Variants in RNF144A observed in about 807,000 individuals in gnomAD.
RNF144A encodes the protein ring finger protein 144A.
In RNF144A, 11 loss-of-function variants were observed where a neutral mutation model predicts 38.7. The observed-to-expected ratio is 0.28, with a 90% confidence interval of 0.18 to 0.47. RNF144A has a LOEUF of 0.47. Among genes scored for constraint, RNF144A ranks in the 20% least tolerant of loss-of-function variants. The probability of loss-of-function intolerance (pLI) is 0.99; values close to 1 mark genes in which losing one functional copy is unlikely to be tolerated. For synonymous variants in RNF144A, 149 were observed against 143.9 expected (o/e 1.04, Z -0.25); for missense variants, 316 against 377.2 (o/e 0.84, Z 1.34).
At chr2:6,935,111 C>G (rs1665484652) in intron 1 of RNF144A, among the ~76,000 whole-genome samples, 1 of 152,218 alleles carries the variant, frequency 6.6e-6, no homozygotes, top group Non-Finnish European at 1.5e-5. Context: ...TCCTTCTTCT[C>G]TGAGCCTTCT....
chr2:7,029,827 A>G (rs946173440), intron 7 of RNF144A, among the ~76,000 whole-genome samples: 2 of 152,186 alleles, frequency 1.3e-5, no homozygotes, highest in Non-Finnish European at 2.9e-5. Context: ...GAAGCCAGCC[A>G]CTGTGCAGGG....
intron 2 of RNF144A, among the ~76,000 whole-genome samples, chr2:6,967,331 G>C (rs569779332): frequency 6.6e-6 from 1 of 152,200 alleles, no homozygotes; most frequent in African/African-American, 2.4e-5. Context: ...GACGTAGTTC[G>C]TTTGTCGTCT....
Position 7,041,680 on chromosome 2 carries a change from A to T in RNF144A, c.*1920A>T. The T allele has an allele frequency of 1.0e-6, 1 of 985,392 alleles. No individual in the cohort carries two copies. Among genetic ancestry groups the T allele is most frequent in the Non-Finnish European group, 1.2e-6 (1 of 829,948 alleles). 61.0% of individuals were successfully genotyped at this position (985,392 alleles called of 1,614,324 possible). On this transcript the variant is annotated 3_prime_UTR_variant, in exon 9 of 9. Coordinates refer to ENST00000320892, the MANE Select transcript of RNF144A (RefSeq NM_014746.6). ...GCAGCTGTCCAGCCACTGCCCTTTAACATGCCCAGCACACATGGGAGGCCT... is the reference window on the plus strand; with the variant it reads ...GCAGCTGTCCAGCCACTGCCCTTTATCATGCCCAGCACACATGGGAGGCCT...
intron 3 of RNF144A, among the ~76,000 whole-genome samples, chr2:7,006,377 G>T (rs933102751): frequency 4.6e-5 from 7 of 152,304 alleles, no homozygotes; most frequent in African/African-American, 1.7e-4. Context: ...AGGATAAGTG[G>T]CAGGCCAGAA....
chr2:6,950,263 T>C (rs532127122), intron 2 of RNF144A, among the ~76,000 whole-genome samples: 1 of 152,360 alleles, frequency 6.6e-6, no homozygotes, highest in East Asian at 1.9e-4. Context: ...CGTTCTTTAT[T>C]GCTAAACCTT....
At chr2:6,965,298 G>A (rs1227468293) in intron 2 of RNF144A, among the ~76,000 whole-genome samples, 1 of 152,152 alleles carries the variant, frequency 6.6e-6, no homozygotes, top group African/African-American at 2.4e-5. Context: ...AGGGTGTGTC[G>A]GAGGCTGTCA....
chr2:6,923,607 G>A (rs767940644), intron 1 of RNF144A, among the ~76,000 whole-genome samples: 1 of 152,170 alleles, frequency 6.6e-6, no homozygotes, highest in South Asian at 2.1e-4. Flanking sequence ...TTGCCAATGT[G>A]GGTGACTGTG....
At chr2:6,939,185 C>CT (rs1446199418) in intron 1 of RNF144A, among the ~76,000 whole-genome samples, 1 of 152,230 alleles carries the variant, frequency 6.6e-6, no homozygotes, top group Non-Finnish European at 1.5e-5. Flanking sequence ...AGCTGCACCA[C>CT]TTTACATTCT....
intron 3 of RNF144A, among the ~76,000 whole-genome samples, chr2:7,001,842 C>G (rs900304344): frequency 5.3e-5 from 8 of 152,210 alleles, no homozygotes; most frequent in African/African-American, 1.9e-4. Context: ...GTTCAGATCT[C>G]TGTTCTGCCT....
intron 3 of RNF144A, among the ~76,000 whole-genome samples, chr2:7,011,598 G>A (rs12476611): frequency 0.24 from 35,999 of 152,158 alleles, 5,390 homozygotes; most frequent in East Asian, 0.56. Context: ...TGCAATTCAC[G>A]TAGAATCTAG....
intron 1 of RNF144A, among the ~76,000 whole-genome samples, chr2:6,937,497 CT>C (rs1472456952): frequency 6.6e-6 from 1 of 152,196 alleles, no homozygotes; most frequent in African/African-American, 2.4e-5. Context: ...GAGCAGAGAG[CT>C]TTTCTTCCTG....
intron 3 of RNF144A, among the ~76,000 whole-genome samples, chr2:7,013,812 C>A (rs920137517): frequency 6.6e-6 from 1 of 152,198 alleles, no homozygotes; most frequent in Non-Finnish European, 1.5e-5. Flanking sequence ...AGGCTTTAAG[C>A]AGTGCCCCCA....
chr2:7,048,562 G>A (rs747832769), downstream of RNF144A, among the ~76,000 whole-genome samples: 8 of 152,154 alleles, frequency 5.3e-5, no homozygotes, highest in Non-Finnish European at 2.9e-5. Flanking sequence ...GGTCAAGGAT[G>A]GGCCAACAGT....
At chr2:7,056,959 G>A (rs1046850397) in intron 6 of RNF144A, among the ~76,000 whole-genome samples, 1 of 152,192 alleles carries the variant, frequency 6.6e-6, no homozygotes, top group Non-Finnish European at 1.5e-5. Flanking sequence ...GTTCTTTGGA[G>A]CCTCCATCTG....
intron 2 of RNF144A, among the ~76,000 whole-genome samples, chr2:6,969,956 T>C (rs1277260340): frequency 6.6e-6 from 1 of 152,136 alleles, no homozygotes; most frequent in East Asian, 1.9e-4. Context: ...GAGACGGGGT[T>C]TCACCATGTT....
chr2:6,918,599 CTA>C (rs1491108355), intron 1 of RNF144A: 1 of 151,134 alleles, frequency 6.6e-6, no homozygotes, highest in Non-Finnish European at 1.5e-5. Context: ...CCCCTCTCTA[CTA>C]AAAATACAAA....
At chr2:7,049,501 G>A (rs1341815550) in intron 6 of RNF144A, among the ~76,000 whole-genome samples, 1 of 152,156 alleles carries the variant, frequency 6.6e-6, no homozygotes, top group Admixed American at 6.5e-5. Context: ...TGAAAAACGA[G>A]TCTCTTGGAA....
intron 2 of RNF144A, chr2:6,978,571 G>T (rs955490620): frequency 1.3e-5 from 2 of 152,574 alleles, no homozygotes; most frequent in African/African-American, 4.8e-5. Context: ...CTCTTCCCAG[G>T]TTGCCGGGGT....
At chr2:7,047,772 TG>T (rs1673367596), downstream of RNF144A, among the ~76,000 whole-genome samples, 1 of 152,224 alleles carries the variant, frequency 6.6e-6, no homozygotes, top group Non-Finnish European at 1.5e-5. Context: ...GAACCTCTTC[TG>T]AGCCAGGCAT....
Sources: allele counts gnomAD v4.1 joint callset (sites outside exome capture counted in the v4.1 genomes callset), GRCh38; gene constraint gnomAD v4.1.1; transcripts MANE v1.5; gene names NCBI Gene and HGNC (gene_info 2026-07-23, HGNC 2026-07-21).